The following KLK6 variants were observed in gnomAD, a reference collection of about 807,000 sequenced individuals.
KLK6 encodes kallikrein-6.
In KLK6, 16 loss-of-function variants were observed where a neutral mutation model predicts 21.7. The ratio of observed to expected loss-of-function variants is 0.74; its 90% CI spans 0.50 to 1.12. The LOEUF is 1.12. Among genes scored for constraint, KLK6 ranks in the 50% most tolerant of loss-of-function variants. KLK6 has a pLI of 0.00. For synonymous variants in KLK6, 116 were observed against 120.1 expected (o/e 0.97, Z 0.22); for missense variants, 276 against 304.6 (o/e 0.91, Z 0.70).
Position 50,967,288 on chromosome 19 carries a change from T to C in KLK6, c.78A>G (p.Gly26=), listed in dbSNP as rs758927169. The C allele has an allele frequency of 1.2e-6, 2 of 1,613,354 alleles. No homozygotes were observed. The highest frequency in any genetic ancestry group is 2.2e-5 in the South Asian group (2 of 91,030). ...AGGGGTGAGATGTCTTGTCGCAGGG[T>C]CCGCCATGCACCAACTTATTCTGCT... is the stretch of plus-strand genomic sequence containing the variant. ...AEEQNKLVHG[G]PCDKTSHPYQ... is the part of the protein sequence containing the mutation. The change falls in exon 4 of 7, where the codon GGA becomes GGG. Residue 26 remains glycine, a synonymous_variant. Coordinates refer to ENST00000310157, the MANE Select transcript of KLK6 (RefSeq NM_002774.4).
chr19:50,961,695 A>C (rs1474606040), intron 6 of KLK6, 49 bp downstream of exon 6: 1 of 1,590,228 alleles, frequency 6.3e-7, no homozygotes, highest in East Asian at 2.2e-5. Flanking sequence ...TGTTTTTGTG[A>C]CTTCGTCCTG....
At chr19:50,961,950 C>CCA (rs1396177192) in intron 5 of KLK6, 70 bp from the exon 6 acceptor site, 1 of 1,548,220 alleles carries the variant, frequency 6.5e-7, no homozygotes, top group South Asian at 1.2e-5. Flanking sequence ...AGTCACCCCC[C>CCA]AACCCCTATA....
At chr19:50,963,204 C>A (rs538772911) in intron 5 of KLK6, 98 bp downstream of exon 5, 38 of 1,502,240 alleles carry the variant, frequency 2.5e-5, no homozygotes, top group Non-Finnish European at 3.2e-5. Flanking sequence ...ATTAGCCCAT[C>A]TTCCCATGGC....
In KLK6 at chr19:50,965,308, A is replaced by G. The variant is rs556707577; in HGVS notation, c.198-1759T>C. On this transcript the variant is annotated intron_variant, in intron 4 of 6. Transcript: ENST00000310157. ...TTCTTTCCTTTTTTTTTTTTTAGAC[A>G]GAGTCTCGCTCTGTGGTTCAGGCTG... Among the ~76,000 whole-genome samples the G allele has an allele frequency of 1.2e-3, 173 of 146,484 alleles. 1 individual carries two copies. Among genetic ancestry groups the G allele is most frequent in the African/African-American group, 4.2e-3 (164 of 39,318 alleles).
At chr19:50,964,663 C>G (rs1568539534) in intron 4 of KLK6, among the ~76,000 whole-genome samples, 1 of 152,200 alleles carries the variant, frequency 6.6e-6, no homozygotes, top group Non-Finnish European at 1.5e-5. Context: ...TATAGTATCT[C>G]CAGTGCGTTG....
rs1177537340 is a variant in KLK6, at chr19:50,963,386, G to A, written c.361C>T (p.Leu121Phe). 3 of 1,614,104 alleles carry A rather than the reference G, an allele frequency of 1.9e-6. No individual in the cohort carries two copies. Among genetic ancestry groups the A allele is most frequent in the African/African-American group, 1.3e-5 (1 of 74,936 alleles). ...CTCTCCAGGGGAAGGGGCTGGATGA[G>A]TTCAGAGAGTTTGGCTGGGCGTGCC... ...RLARPAKLSE[L>F]IQPLPLERDC... Residue 121 changes from leucine to phenylalanine, a missense_variant, in exon 5 of 7, where the codon CTC becomes TTC. Transcript: ENST00000310157.
intron 4 of KLK6, among the ~76,000 whole-genome samples, chr19:50,965,928 C>T (rs934853705): frequency 2.0e-5 from 3 of 152,154 alleles, no homozygotes; most frequent in African/African-American, 4.8e-5. Context: ...TGGCAGCTGT[C>T]GTGAATCTGA....
At chr19:50,960,134 GGGAGGGGGA>G (rs1373902694) in intron 6 of KLK6, among the ~76,000 whole-genome samples, 11 of 101,288 alleles carry the variant, frequency 1.1e-4, no homozygotes, top group Admixed American at 9.4e-5. Flanking sequence ...GAGGAGGATG[GGGAGGGGGA>G]GGAGGGGGAG....
Position 50,958,941 on chromosome 19 carries a change from G to T in KLK6, c.*223C>A, listed in dbSNP as rs1287515894. On this transcript the variant is annotated 3_prime_UTR_variant, in exon 7 of 7. Transcript: ENST00000310157. ...TTCCTGTATTCTCTTAGTGGTGGGGGTAAGACCGAGGACCCAAGTCCTCAC... is the reference window on the plus strand; with the variant it reads ...TTCCTGTATTCTCTTAGTGGTGGGGTTAAGACCGAGGACCCAAGTCCTCAC... 3.4e-6 allele frequency: 2 copies of T among 581,864 alleles called. No individual in the cohort carries two copies. Among genetic ancestry groups the T allele is most frequent in the Middle Eastern group, 4.6e-4 (1 of 2,178 alleles). The allele number at this position is 581,864 out of a possible 1,614,324, so 36.0% of individuals were successfully genotyped here. A position where few individuals can be genotyped will look rare whatever the true frequency, so the allele number is the denominator to read the frequency against.
rs146062864 is a variant in KLK6 at position 50,967,511 on chromosome 19, C to CCACACACACACACACACA, written c.41-204_41-187dup. 7.3e-3 allele frequency among the ~76,000 whole-genome samples: 915 copies of CCACACACACACACACACA among 125,536 alleles called. 17 individuals are homozygous for CCACACACACACACACACA. The highest frequency in any genetic ancestry group is 9.9e-3 in the African/African-American group (304 of 30,616). 82.4% of individuals were successfully genotyped at this position (125,536 alleles called of 152,430 possible). On this transcript the variant is annotated intron_variant, in intron 3 of 6. Transcript: ENST00000310157. Reference sequence around the variant, plus strand: ...TCGGTAACACAGTGAGACCTCATCTCCACACACACACACACACACACACAC... The same window carrying CCACACACACACACACACA: ...TCGGTAACACAGTGAGACCTCATCTCCACACACACACACACACACACACACACACACACACACACACAC...
At chr19:50,960,654 G>A (rs556367097) in intron 6 of KLK6, among the ~76,000 whole-genome samples, 4 of 151,838 alleles carry the variant, frequency 2.6e-5, no homozygotes, top group Admixed American at 2.0e-4. Flanking sequence ...GTGCAGTGGC[G>A]TGATCTCAGC....
At chr19:50,960,058 AGGGG>A (rs1156287413) in intron 6 of KLK6, among the ~76,000 whole-genome samples, 11 of 63,154 alleles carry the variant, frequency 1.7e-4, no homozygotes, top group African/African-American at 5.3e-4. Flanking sequence ...GAGGGAGAGG[AGGGG>A]GGAGGAGGAG....
intron 5 of KLK6, 44 bp downstream of exon 5, chr19:50,963,258 C>A: frequency 6.3e-7 from 1 of 1,585,116 alleles, no homozygotes; most frequent in Non-Finnish European, 8.6e-7. Flanking sequence ...CACACTTCCC[C>A]AAGTAGCCAG....
rs899844303 is a variant in KLK6, at chr19:50,966,234, G to C, written c.197+935C>G. ...TTCCCTCTCCCACAACTCAGAGAAAGACGTGGCAAAACACCCAGTTGTTCA... is the reference window on the plus strand; with the variant it reads ...TTCCCTCTCCCACAACTCAGAGAAACACGTGGCAAAACACCCAGTTGTTCA... On this transcript the variant is annotated intron_variant, in intron 4 of 6. Coordinates refer to ENST00000310157, the MANE Select transcript of KLK6 (RefSeq NM_002774.4). Among the ~76,000 whole-genome samples the C allele has an allele frequency of 2.6e-5, 4 of 152,164 alleles. No individual in the cohort carries two copies. The East Asian group carries it at 7.7e-4, about 29-fold the overall frequency.
chr19:50,967,550 CAAAT>C (rs1471446678), intron 3 of KLK6, among the ~76,000 whole-genome samples: 15 of 141,504 alleles, frequency 1.1e-4, no homozygotes, highest in South Asian at 2.3e-4. Context: ...CACACACACA[CAAAT>C]TAGCAGGGTA....
At position 50,964,026 on chromosome 19, in the gene KLK6, C is replaced by T. The variant is rs781008807; in HGVS notation, c.198-477G>A. 2.6e-5 allele frequency among the ~76,000 whole-genome samples: 4 copies of T among 152,182 alleles called. No homozygotes were observed. In the East Asian group the frequency reaches 7.7e-4, roughly 29 times the overall value. ...TCAGAATCAAAGCCAAAGTTCTCAACGTGGCACACCAGGCCTTGCAAGCAC... is the reference window on the plus strand; with the variant it reads ...TCAGAATCAAAGCCAAAGTTCTCAATGTGGCACACCAGGCCTTGCAAGCAC... On this transcript the variant is annotated intron_variant, in intron 4 of 6. Transcript: ENST00000310157.
chr19:50,968,972 T>G (rs998366698), intron 1 of KLK6: 1 of 157,550 alleles, frequency 6.3e-6, no homozygotes, highest in African/African-American at 2.4e-5. Flanking sequence ...CTCCTGGGTC[T>G]GAGGGAGGAG....
intron 5 of KLK6, chr19:50,962,408 G>A (rs932168129): frequency 6.5e-6 from 1 of 153,186 alleles, no homozygotes; most frequent in African/African-American, 2.4e-5. Context: ...TTCATCCAAT[G>A]GTCCACCTCC....
Position 50,967,273 on chromosome 19 carries a change from T to C in KLK6, c.93A>G (p.Thr31=). ...AGAGGGCAGCTTGGTAGGGGTGAGATGTCTTGTCGCAGGGTCCGCCATGCA... is the reference window on the plus strand; with the variant it reads ...AGAGGGCAGCTTGGTAGGGGTGAGACGTCTTGTCGCAGGGTCCGCCATGCA... ...KLVHGGPCDK[T]SHPYQAALYT... The change falls in exon 4 of 7, where the codon ACA becomes ACG. Residue 31 remains threonine (T), a synonymous_variant. Transcript: ENST00000310157. The C allele has an allele frequency of 6.2e-7, 1 of 1,613,912 alleles. No individual in the cohort carries two copies. Among genetic ancestry groups the C allele is most frequent in the Non-Finnish European group, 8.5e-7 (1 of 1,179,930 alleles).
Sources: gnomAD v4.1 joint callset for allele counts (sites outside exome capture counted in the v4.1 genomes callset) on GRCh38, gnomAD v4.1.1 for gene constraint, MANE v1.5 for transcripts, NCBI Gene and HGNC (gene_info 2026-07-23, HGNC 2026-07-21) for gene names.